Variants in ATXN3 observed in about 807,000 individuals in gnomAD.
The protein encoded by ATXN3 is ataxin-3.
Under a neutral mutation model 58.2 loss-of-function variants are expected in ATXN3, and 28 were observed. That is an observed-to-expected ratio of 0.48 (90% CI 0.36 to 0.66). The LOEUF (loss-of-function observed/expected upper bound fraction) is 0.66. ATXN3 is among the 30% of genes least tolerant of loss of function. The pLI is 0.00. For synonymous variants in ATXN3, 113 were observed against 138.5 expected, an observed-to-expected ratio of 0.82 and a Z score of 1.29; for missense variants, 321 against 422.1, an observed-to-expected ratio of 0.76 and a Z score of 2.10.
intron 5 of ATXN3, among the ~76,000 whole-genome samples, chr14:92,092,818 T>G (rs1442669459): frequency 2.0e-5 from 3 of 151,392 alleles, no homozygotes; most frequent in Non-Finnish European, 4.4e-5. Flanking sequence ...TTTCCTAATT[T>G]TAAAGTCAGC....
intron 9 of ATXN3, among the ~76,000 whole-genome samples, chr14:92,080,052 A>T (rs2402090): frequency 0.3 from 43,676 of 147,966 alleles, 6,675 homozygotes; most frequent in East Asian, 0.45. Context: ...ATTTTTCTTT[A>T]AAAAAAAAAA....
intron 9 of ATXN3, among the ~76,000 whole-genome samples, chr14:92,079,248 A>C (rs2061013195): frequency 6.6e-6 from 1 of 151,810 alleles, no homozygotes; most frequent in Admixed American, 6.6e-5. Flanking sequence ...TCTGGGTCAT[A>C]AACAGGAGTA....
At position 92,104,294 on chromosome 14, in the gene ATXN3, C is replaced by T. The variant is rs1406174403; in HGVS notation, c.24+2235G>A. Among the ~76,000 whole-genome samples, 4 of 152,234 alleles carry T rather than the reference C, an allele frequency of 2.6e-5. No homozygotes were observed. The East Asian group carries it at 5.8e-4, about 22-fold the overall frequency. On this transcript the variant is annotated intron_variant, in intron 1 of 10. Coordinates refer to ENST00000644486, the MANE Select transcript of ATXN3 (RefSeq NM_004993.6). Reference sequence around the variant, plus strand: ...TACCTGGGATTACAGGCGCCTGCCACCACACCTGGCTAATTTTTTGTATTT... The same window carrying T: ...TACCTGGGATTACAGGCGCCTGCCATCACACCTGGCTAATTTTTTGTATTT...
At chr14:92,071,089 A>G in intron 9 of ATXN3, 36 bp from the exon 10 acceptor site, 1 of 1,385,392 alleles carries the variant, frequency 7.2e-7, no homozygotes, top group East Asian at 3.4e-5. Flanking sequence ...TTTAAAAAAC[A>G]AAACTTAAAA....
At chr14:92,058,137 A>G (rs538330559), downstream of ATXN3, among the ~76,000 whole-genome samples, 10 of 152,354 alleles carry the variant, frequency 6.6e-5, no homozygotes, top group South Asian at 1.4e-3. Context: ...TAGAATATCA[A>G]TGGACTGTGC....
upstream of ATXN3, chr14:92,049,918 T>C (rs1429844263): frequency 6.6e-6 from 1 of 152,088 alleles, no homozygotes; most frequent in Non-Finnish European, 1.5e-5. Context: ...GTTAGAAAAT[T>C]AGAAGGAAGG....
At chr14:92,072,108 A>G (rs2059550186) in intron 9 of ATXN3, among the ~76,000 whole-genome samples, 1 of 152,262 alleles carries the variant, frequency 6.6e-6, no homozygotes, top group Non-Finnish European at 1.5e-5. Context: ...TACTGATTGC[A>G]TTAAGCTCCT....
intron 1 of ATXN3, among the ~76,000 whole-genome samples, chr14:92,103,472 G>A (rs2067344827): frequency 1.3e-5 from 2 of 151,910 alleles, no homozygotes; most frequent in African/African-American, 4.8e-5. Flanking sequence ...ATCTTGCTCT[G>A]TCCCCTAGGC....
chr14:92,071,156 C>T, intron 9 of ATXN3, 103 bp from the exon 10 acceptor site: 2 of 1,469,994 alleles, frequency 1.4e-6, no homozygotes, highest in Non-Finnish European at 1.8e-6. Flanking sequence ...TTTCACGAAT[C>T]AAAGTAGTCA....
chr14:92,084,352 C>A (rs1342152722), intron 6 of ATXN3, among the ~76,000 whole-genome samples: 5 of 152,102 alleles, frequency 3.3e-5, no homozygotes, highest in African/African-American at 7.2e-5. Context: ...ACATGTACAC[C>A]CCTTGTAACT....
chr14:92,068,612 C>T (rs1299520157), intron 10 of ATXN3, among the ~76,000 whole-genome samples: 18 of 151,780 alleles, frequency 1.2e-4, no homozygotes, highest in Admixed American at 1.2e-3. Flanking sequence ...CTTTTTGAGA[C>T]AGAGTTTTGC....
intron 6 of ATXN3, among the ~76,000 whole-genome samples, chr14:92,083,915 G>A (rs893365897): frequency 2.0e-5 from 3 of 152,142 alleles, no homozygotes; most frequent in Non-Finnish European, 4.4e-5. Context: ...TACTAGACTT[G>A]CTGAGCCTTC....
intron 9 of ATXN3, among the ~76,000 whole-genome samples, chr14:92,078,490 T>G (rs1448853528): frequency 6.6e-6 from 1 of 151,934 alleles, no homozygotes; most frequent in Non-Finnish European, 1.5e-5. Flanking sequence ...GCCTCTCAAG[T>G]AGCTGGGATT....
intron 7 of ATXN3, 33 bp from the exon 8 acceptor site, chr14:92,082,499 C>T: frequency 6.4e-7 from 1 of 1,567,674 alleles, no homozygotes; most frequent in Non-Finnish European, 8.7e-7. Flanking sequence ...ATAACTGCAA[C>T]CAATCTTCTA....
chr14:92,066,874 A>T (rs2140277010), intron 10 of ATXN3, among the ~76,000 whole-genome samples: 1 of 151,798 alleles, frequency 6.6e-6, no homozygotes, highest in Admixed American at 6.6e-5. Context: ...GGTTCAAGCG[A>T]TTCCCCTGCC....
upstream of ATXN3, among the ~76,000 whole-genome samples, chr14:92,051,913 A>G (rs1398434596): frequency 1.4e-5 from 2 of 143,542 alleles, no homozygotes; most frequent in Admixed American, 6.8e-5. Context: ...TTTTTAGTAG[A>G]GACGGGGTTT....
At chr14:92,088,932 AAAT>A in intron 5 of ATXN3, 115 bp from the exon 6 acceptor site, 1 of 648,964 alleles carries the variant, frequency 1.5e-6, no homozygotes, top group Non-Finnish European at 2.7e-6. Context: ...TAAACTCTGG[AAAT>A]ATTTCAAGTT....
intron 10 of ATXN3, among the ~76,000 whole-genome samples, chr14:92,066,622 T>TAAA (rs796931204): frequency 6.9e-6 from 1 of 144,218 alleles, no homozygotes; most frequent in African/African-American, 2.6e-5. Flanking sequence ...TTTTTTTTTT[T>TAAA]TTTGAGACAA....
Position 92,061,193 on chromosome 14 carries a change from T to C in ATXN3, c.*3127A>G, listed in dbSNP as rs1014423559. 16 of 152,096 alleles carry C rather than the reference T, an allele frequency of 1.1e-4. No homozygotes were observed. The highest frequency in any genetic ancestry group is 3.9e-4 in the African/African-American group (16 of 41,408). 9.4% of individuals were successfully genotyped at this position (152,096 alleles called of 1,614,324 possible). A position where few individuals can be genotyped will look rare whatever the true frequency, so the allele number is the denominator to read the frequency against. On this transcript the variant is annotated 3_prime_UTR_variant, in exon 11 of 11. Coordinates refer to ENST00000644486, the MANE Select transcript of ATXN3 (RefSeq NM_004993.6). ...ATACTCAACTGGTTTTGAGTTTTTT[T>C]CCTCATTTACTTTGGCATCATGAAT...
Sources: gnomAD v4.1 joint callset for allele counts (sites outside exome capture counted in the v4.1 genomes callset) on GRCh38, gnomAD v4.1.1 for gene constraint, MANE v1.5 for transcripts, NCBI Gene and HGNC (gene_info 2026-07-23, HGNC 2026-07-21) for gene names.